The following CSMD1 variants were observed in gnomAD, a reference collection of about 807,000 sequenced individuals.
CSMD1 encodes CUB and sushi domain-containing protein 1.
Under a neutral mutation model 417.5 loss-of-function variants are expected in CSMD1, and 213 were observed. The observed-to-expected ratio is 0.51, with a 90% CI of 0.46 to 0.57. The LOEUF (loss-of-function observed/expected upper bound fraction) is 0.57. Among genes scored for constraint, CSMD1 ranks in the 20% least tolerant of loss-of-function variants. CSMD1 has a pLI of 0.00. For missense variants in CSMD1, 6,923 were observed against 4,529.7 expected (o/e 1.53, Z -15.17); for synonymous variants, 2,862 against 1,736.8 (o/e 1.65, Z -16.11).
intron 7 of CSMD1, among the ~76,000 whole-genome samples, chr8:3,636,143 T>C (rs530642579): frequency 6.6e-6 from 1 of 152,214 alleles, no homozygotes; most frequent in Non-Finnish European, 1.5e-5. Flanking sequence ...AGCCTAGGCC[T>C]ACAACACAGG....
intron 3 of CSMD1, among the ~76,000 whole-genome samples, chr8:4,147,750 G>T (rs192161309): frequency 6.6e-6 from 1 of 151,970 alleles, no homozygotes; most frequent in African/African-American, 2.4e-5. Flanking sequence ...AACAACCCCC[G>T]GCAAGCCATG....
chr8:3,849,677 T>C (rs1050446759), intron 5 of CSMD1, among the ~76,000 whole-genome samples: 6 of 152,148 alleles, frequency 3.9e-5, no homozygotes, highest in African/African-American at 1.4e-4. Context: ...ATTTTAGTGA[T>C]GTTGTCAACT....
intron 7 of CSMD1, among the ~76,000 whole-genome samples, chr8:3,690,817 A>T (rs1800196259): frequency 6.6e-6 from 1 of 152,216 alleles, no homozygotes; most frequent in African/African-American, 2.4e-5. Flanking sequence ...CTAATTTTCT[A>T]AACTAGCAAA....
At chr8:4,143,557 G>A (rs1803925835) in intron 3 of CSMD1, among the ~76,000 whole-genome samples, 1 of 150,834 alleles carries the variant, frequency 6.6e-6, no homozygotes, top group Non-Finnish European at 1.5e-5. Flanking sequence ...TACTTGTAAG[G>A]CTTAGATATG....
intron 2 of CSMD1, among the ~76,000 whole-genome samples, chr8:4,471,737 A>T (rs1278598153): frequency 8.8e-5 from 10 of 114,216 alleles, no homozygotes. Flanking sequence ...ACACGCGGAG[A>T]AAAGAAGTTA....
intron 3 of CSMD1, among the ~76,000 whole-genome samples, chr8:4,040,228 T>G (rs1030160160): frequency 6.6e-6 from 1 of 152,188 alleles, no homozygotes; most frequent in Admixed American, 6.5e-5. Context: ...CAATAGTAAT[T>G]CCACTTCATT....
chr8:4,226,719 A>G (rs1040699770), intron 3 of CSMD1, among the ~76,000 whole-genome samples: 13 of 152,204 alleles, frequency 8.5e-5, no homozygotes, highest in Non-Finnish European at 1.2e-4. Flanking sequence ...AAGAAAAAAA[A>G]ATGAGTTTTT....
chr8:4,113,530 G>A (rs1019714058), intron 3 of CSMD1, among the ~76,000 whole-genome samples: 1 of 150,904 alleles, frequency 6.6e-6, no homozygotes, highest in African/African-American at 2.4e-5. Flanking sequence ...TCTGCCTCCT[G>A]AGTAGCTGGG....
intron 5 of CSMD1, among the ~76,000 whole-genome samples, chr8:3,982,431 G>A (rs1470640453): frequency 6.6e-6 from 1 of 151,604 alleles, no homozygotes; most frequent in African/African-American, 2.4e-5. Context: ...AATAAGACAT[G>A]GAATTAATAG....
At chr8:4,446,616 C>T (rs531740412) in intron 2 of CSMD1, among the ~76,000 whole-genome samples, 6 of 152,196 alleles carry the variant, frequency 3.9e-5, no homozygotes, top group African/African-American at 7.2e-5. Flanking sequence ...TGCAGCAGCG[C>T]GATCTCAGCT....
At chr8:4,179,235 A>C (rs532055588) in intron 3 of CSMD1, among the ~76,000 whole-genome samples, 271 of 151,796 alleles carry the variant, frequency 1.8e-3, no homozygotes, top group African/African-American at 6.4e-3. Context: ...CAGAGATATA[A>C]ATCAATGGAA....
At position 3,396,226 on chromosome 8, in the gene CSMD1, C is replaced by A. The variant is rs376486567; in HGVS notation, c.2561G>T (p.Arg854Leu). The A allele has an allele frequency of 2.5e-6, 4 of 1,568,740 alleles. No homozygotes were observed. Among genetic ancestry groups the A allele is most frequent in the South Asian group, 2.3e-5 (2 of 85,226 alleles). ...GTGGATGAGGAAGCCGATGCTGGAG[C>A]GGCTGTTGTCAGTGGTGAACAGCAG... Reference protein sequence around the residue: ...MYLLFTTDNSRSSIGFLIHYE... With the variant: ...MYLLFTTDNSLSSIGFLIHYE... The change falls in exon 17 of 70, where the codon CGC becomes CTC. Residue 854 changes from arginine to leucine, a missense_variant. Arg to Leu is a moderately radical substitution (Grantham distance 102). Transcript: ENST00000635120.
At chr8:4,941,324 C>A (rs576526181) in intron 1 of CSMD1, among the ~76,000 whole-genome samples, 1 of 151,562 alleles carries the variant, frequency 6.6e-6, no homozygotes. Flanking sequence ...GTAAAGCACA[C>A]GCTTCATAAT....
chr8:4,203,919 G>A (rs963484562), intron 3 of CSMD1, among the ~76,000 whole-genome samples: 4 of 151,990 alleles, frequency 2.6e-5, no homozygotes, highest in African/African-American at 9.7e-5. Context: ...TGGGAAATAT[G>A]GCGAAACCTC....
intron 6 of CSMD1, among the ~76,000 whole-genome samples, chr8:3,751,299 AGTGTGTGT>A (rs67753470): frequency 3.6e-4 from 50 of 140,296 alleles, no homozygotes; most frequent in Non-Finnish European, 5.5e-4. Context: ...ATACAATTGA[AGTGTGTGT>A]GTGTGTGTGT....
At chr8:4,249,412 A>C (rs1402420321) in intron 3 of CSMD1, among the ~76,000 whole-genome samples, 1 of 152,222 alleles carries the variant, frequency 6.6e-6, no homozygotes, top group Admixed American at 6.5e-5. Flanking sequence ...AAAGTAAACT[A>C]ATAGTGTTAG....
At chr8:4,606,369 G>A (rs1800867978) in intron 2 of CSMD1, among the ~76,000 whole-genome samples, 1 of 151,906 alleles carries the variant, frequency 6.6e-6, no homozygotes, top group Non-Finnish European at 1.5e-5. Context: ...AAAAAAAAAA[G>A]AGTTCTTTCT....
chr8:4,103,165 G>A (rs1186009300), intron 3 of CSMD1, among the ~76,000 whole-genome samples: 1 of 152,012 alleles, frequency 6.6e-6, no homozygotes, highest in African/African-American at 2.4e-5. Context: ...CTGTGAGCCA[G>A]TCAGCACAAA....
intron 41 of CSMD1, among the ~76,000 whole-genome samples, chr8:3,142,044 G>T (rs943794472): frequency 2.0e-5 from 3 of 152,008 alleles, no homozygotes; most frequent in Middle Eastern, 3.2e-3. Flanking sequence ...TGATCCGCCC[G>T]CCTCGGCCTT....
Sources: allele counts gnomAD v4.1 joint callset (sites outside exome capture counted in the v4.1 genomes callset), GRCh38; gene constraint gnomAD v4.1.1; transcripts MANE v1.5; gene names NCBI Gene and HGNC (gene_info 2026-07-23, HGNC 2026-07-21).